The following COL5A2 variants were observed in gnomAD, a reference collection of about 807,000 sequenced individuals.
COL5A2 encodes collagen type V alpha 2 chain, also known as collagen alpha-2(V) chain.
A neutral mutation model predicts 208.2 loss-of-function variants in COL5A2; 23 were observed. The observed-to-expected ratio is 0.11, with a 90% CI of 0.08 to 0.16. The LOEUF is 0.16. COL5A2 is among the 10% of genes least tolerant of loss of function. The pLI is 1.00. For synonymous variants in COL5A2, 625 were observed against 628.5 expected (o/e 0.99, Z 0.08); for missense variants, 1,590 against 1,956.4 (o/e 0.81, Z 3.53).
At chr2:189,042,876 T>C in intron 48 of COL5A2, 103 bp from the exon 49 acceptor site, 1 of 1,132,060 alleles carries the variant, frequency 8.8e-7, no homozygotes, top group Non-Finnish European at 1.3e-6. Context: ...TGAACTACTT[T>C]GATAAAGTCA....
At chr2:189,223,709 C>T (rs1035084502) in intron 1 of COL5A2, among the ~76,000 whole-genome samples, 5 of 152,088 alleles carry the variant, frequency 3.3e-5, no homozygotes, top group African/African-American at 7.2e-5. Flanking sequence ...ATTGTTATTC[C>T]ATCCTGTATA....
the COL5A2 span, among the ~76,000 whole-genome samples, chr2:189,423,735 C>T: frequency 1.3e-5 from 2 of 151,990 alleles, no homozygotes; most frequent in Non-Finnish European, 2.9e-5. Flanking sequence ...TGTCACCTAT[C>T]AAAGAAAAAC....
the COL5A2 span, among the ~76,000 whole-genome samples, chr2:189,435,606 G>A: frequency 6.7e-6 from 1 of 148,780 alleles, no homozygotes; most frequent in African/African-American, 2.5e-5. Flanking sequence ...TGAGAGAAAT[G>A]CAAATCAAAA....
At chr2:189,249,641 A>T in the COL5A2 span, among the ~76,000 whole-genome samples, 1 of 152,206 alleles carries the variant, frequency 6.6e-6, no homozygotes, top group Non-Finnish European at 1.5e-5. Context: ...CACAGACACC[A>T]CTCAATCCCA....
At chr2:189,380,040 A>G in the COL5A2 span, among the ~76,000 whole-genome samples, 1 of 151,766 alleles carries the variant, frequency 6.6e-6, no homozygotes, top group Non-Finnish European at 1.5e-5. Context: ...AATATTTTAT[A>G]TATATATATA....
chr2:189,171,504 T>C (rs1457011822), intron 1 of COL5A2, among the ~76,000 whole-genome samples: 2 of 152,146 alleles, frequency 1.3e-5, no homozygotes, highest in Non-Finnish European at 2.9e-5. Flanking sequence ...TTGAGAAACA[T>C]TTAGCAGGTA....
intron 22 of COL5A2, 99 bp downstream of exon 22, chr2:189,066,630 T>A (rs1159751842): frequency 7.5e-7 from 1 of 1,338,052 alleles, no homozygotes; most frequent in African/African-American, 1.4e-5. Flanking sequence ...TCTCAAGCTA[T>A]TATAATTCTC....
rs965647319 is a variant in COL5A2 at position 189,032,114 on chromosome 2, G to T, written c.*1956C>A. 2 of 151,954 alleles carry T rather than the reference G, an allele frequency of 1.3e-5. No homozygotes were observed. Among genetic ancestry groups the T allele is most frequent in the African/African-American group, 4.8e-5 (2 of 41,374 alleles). 9.4% of individuals were successfully genotyped at this position (151,954 alleles called of 1,614,324 possible). ...TAAATACTCAAATTTAAGATATACA[G>T]GTCAAAATATAACCAGTTTAGGGGA... On this transcript the variant is annotated 3_prime_UTR_variant, in exon 54 of 54. Transcript: ENST00000374866.
chr2:189,375,452 C>T, the COL5A2 span, among the ~76,000 whole-genome samples: 1 of 152,144 alleles, frequency 6.6e-6, no homozygotes, highest in South Asian at 2.1e-4. Context: ...TTTATGGATT[C>T]TGTTTTCTCA....
chr2:189,247,356 C>T, the COL5A2 span, among the ~76,000 whole-genome samples: 1 of 152,138 alleles, frequency 6.6e-6, no homozygotes, highest in South Asian at 2.1e-4. Flanking sequence ...ATCCTTTCTC[C>T]CCAAAAGAAG....
chr2:189,363,421 A>G, the COL5A2 span, among the ~76,000 whole-genome samples: 2 of 152,088 alleles, frequency 1.3e-5, no homozygotes, highest in Non-Finnish European at 2.9e-5. Flanking sequence ...TAAAATTATC[A>G]TATGTTTTTT....
intron 11 of COL5A2, 70 bp downstream of exon 11, chr2:189,085,090 C>T: frequency 4.0e-6 from 5 of 1,235,490 alleles, no homozygotes; most frequent in Non-Finnish European, 5.9e-6. Flanking sequence ...TAATACAGAA[C>T]ATTCTTGTTA....
chr2:189,363,441 T>A, the COL5A2 span, among the ~76,000 whole-genome samples: 1 of 152,144 alleles, frequency 6.6e-6, no homozygotes, highest in East Asian at 1.9e-4. Flanking sequence ...TCTCCTTAAT[T>A]AATGTGGCAA....
At chr2:189,151,021 G>A (rs1489343615) in intron 1 of COL5A2, among the ~76,000 whole-genome samples, 1 of 152,134 alleles carries the variant, frequency 6.6e-6, no homozygotes, top group Non-Finnish European at 1.5e-5. Context: ...AGTCTGTAAC[G>A]TAATTTGATG....
At chr2:189,059,585 G>GTTTTTTTTTGTTTTTTTTTTTTTTTT (rs1685979232) in intron 31 of COL5A2, among the ~76,000 whole-genome samples, 1 of 28,594 alleles carries the variant, frequency 3.5e-5, no homozygotes, top group Non-Finnish European at 7.4e-5. Context: ...TTCTTTTCTG[G>GTTTTTTTTTGTTTTTTTTTTTTTTTT]TTTTTTTTTT....
At position 189,050,838 on chromosome 2, in the gene COL5A2, C is replaced by T. The variant is rs115735575; in HGVS notation, c.2932-162G>A. On this transcript the variant is annotated intron_variant, in intron 42 of 53. Coordinates refer to ENST00000374866, the MANE Select transcript of COL5A2 (RefSeq NM_000393.5). ...ATATGAGTAGTCATAAATTGTAATC[C>T]GCACAGAACCTCTAACATTATTTAA... 0.015 allele frequency among the ~76,000 whole-genome samples: 2,339 copies of T among 152,206 alleles called. 24 individuals carry two copies. Among genetic ancestry groups the T allele is most frequent in the Non-Finnish European group, 0.02 (1,363 of 68,008 alleles).
the COL5A2 span, among the ~76,000 whole-genome samples, chr2:189,384,723 C>G: frequency 6.6e-6 from 1 of 151,950 alleles, no homozygotes; most frequent in African/African-American, 2.4e-5. Context: ...TGATTGTTTC[C>G]TTTGCTGTGG....
chr2:189,299,333 C>T, the COL5A2 span, among the ~76,000 whole-genome samples: 2 of 152,126 alleles, frequency 1.3e-5, no homozygotes, highest in Admixed American at 6.6e-5. Context: ...TGCGTTAACG[C>T]TATCATTTAT....
intron 1 of COL5A2, among the ~76,000 whole-genome samples, chr2:189,159,798 A>T (rs1417706412): frequency 6.6e-6 from 1 of 152,078 alleles, no homozygotes; most frequent in African/African-American, 2.4e-5. Context: ...GAGGTACGAG[A>T]ATCACTTTAA....
Sources: allele counts gnomAD v4.1 joint callset (sites outside exome capture counted in the v4.1 genomes callset), GRCh38; gene constraint gnomAD v4.1.1; transcripts MANE v1.5; gene names NCBI Gene and HGNC (gene_info 2026-07-23, HGNC 2026-07-21).